Variants in KIAA0319 observed in about 807,000 individuals in gnomAD.
KIAA0319 encodes the protein KIAA0319.
Under a neutral mutation model 108.4 loss-of-function variants are expected in KIAA0319, and 83 were observed. The observed-to-expected ratio is 0.77, with a 90% CI of 0.64 to 0.92. The LOEUF (loss-of-function observed/expected upper bound fraction) is 0.92. Among genes scored for constraint, KIAA0319 ranks in the 40% least tolerant of loss-of-function variants. KIAA0319 has a pLI of 0.00. For synonymous variants in KIAA0319, 484 were observed against 510.4 expected (o/e 0.95, Z 0.70); for missense variants, 1,195 against 1,322.4 (o/e 0.90, Z 1.49).
chr6:24,619,006 G>A (rs1438644769), intron 1 of KIAA0319, among the ~76,000 whole-genome samples: 1 of 152,168 alleles, frequency 6.6e-6, no homozygotes, highest in South Asian at 2.1e-4. Flanking sequence ...ACAGCTGAGA[G>A]GAAAGAGTTC....
intron 17 of KIAA0319, among the ~76,000 whole-genome samples, chr6:24,557,413 G>C (rs369732811): frequency 1.3e-5 from 2 of 152,246 alleles, no homozygotes. Flanking sequence ...TGAGGCACGA[G>C]AATCACTTGA....
At chr6:24,601,436 T>C (rs1465953226) in intron 1 of KIAA0319, 1 of 500,240 alleles carries the variant, frequency 2.0e-6, no homozygotes, top group East Asian at 1.5e-4. Flanking sequence ...GCTGTGGAAA[T>C]AAACGAGGAC....
chr6:24,582,228 A>T (rs375825128), intron 6 of KIAA0319, 21 bp downstream of exon 6: 4 of 1,360,554 alleles, frequency 2.9e-6, no homozygotes, highest in Middle Eastern at 1.8e-4. Flanking sequence ...TGTTAGACAC[A>T]ACCAGTCTCC....
downstream of KIAA0319, among the ~76,000 whole-genome samples, chr6:24,542,678 G>A (rs757641516): frequency 1.6e-4 from 25 of 152,326 alleles, no homozygotes; most frequent in Admixed American, 3.3e-4. Context: ...TGGTGCCACT[G>A]CACTCCAGCC....
intron 5 of KIAA0319, among the ~76,000 whole-genome samples, chr6:24,582,898 A>C (rs1766835471): frequency 6.6e-6 from 1 of 152,180 alleles, no homozygotes; most frequent in South Asian, 2.1e-4. Flanking sequence ...TGCAGATATT[A>C]GTAGTTAAAA....
At chr6:24,542,867 G>A (rs927084745), downstream of KIAA0319, among the ~76,000 whole-genome samples, 6 of 152,158 alleles carry the variant, frequency 3.9e-5, no homozygotes, top group African/African-American at 1.2e-4. Flanking sequence ...AACCAATCAG[G>A]ACTCAGATGT....
chr6:24,551,650 T>C (rs977986787), intron 19 of KIAA0319, 125 bp from the exon 20 acceptor site: 76 of 663,802 alleles, frequency 1.1e-4, no homozygotes, highest in Admixed American at 2.4e-4. Context: ...TGGCGTCTTT[T>C]ATTAAAGAAA....
At chr6:24,613,142 C>A (rs949450857) in intron 1 of KIAA0319, among the ~76,000 whole-genome samples, 1 of 152,002 alleles carries the variant, frequency 6.6e-6, no homozygotes, top group African/African-American at 2.4e-5. Context: ...TTTAACATTC[C>A]TGCCTTTACT....
At chr6:24,583,081 C>T (rs188007511) in intron 5 of KIAA0319, 603 of 985,324 alleles carry the variant, frequency 6.1e-4, no homozygotes, top group Non-Finnish European at 7.0e-4. Flanking sequence ...ATGCATTTGA[C>T]AGGCCACAGG....
At chr6:24,610,968 C>A (rs1010686762) in intron 1 of KIAA0319, among the ~76,000 whole-genome samples, 11 of 151,880 alleles carry the variant, frequency 7.2e-5, no homozygotes, top group Non-Finnish European at 1.3e-4. Flanking sequence ...TACTAACAAA[C>A]AAACAAACAA....
intron 1 of KIAA0319, among the ~76,000 whole-genome samples, chr6:24,635,031 C>A (rs571847010): frequency 6.6e-6 from 1 of 152,196 alleles, no homozygotes; most frequent in East Asian, 1.9e-4. Flanking sequence ...AGAGCAGCTA[C>A]CTGTGGAGCT....
chr6:24,580,579 T>A (rs1766341187), intron 7 of KIAA0319, among the ~76,000 whole-genome samples: 1 of 152,156 alleles, frequency 6.6e-6, no homozygotes, highest in African/African-American at 2.4e-5. Flanking sequence ...GGTTGCTCAG[T>A]TGAATGTATT....
At chr6:24,562,415 C>T (rs2127441388) in intron 16 of KIAA0319, among the ~76,000 whole-genome samples, 1 of 152,282 alleles carries the variant, frequency 6.6e-6, no homozygotes, top group South Asian at 2.1e-4. Context: ...AACTTCAGTT[C>T]TCTGGAAAAC....
In KIAA0319 at chr6:24,576,353, G is replaced by T. The variant is rs201562669; in HGVS notation, c.1734+15C>A. 1.0e-3 allele frequency: 1,600 copies of T among 1,602,910 alleles called. 3 individuals are homozygous for T. Among genetic ancestry groups the T allele is most frequent in the Admixed American group, 2.3e-3 (138 of 60,012 alleles). On this transcript the variant is annotated intron_variant, in intron 10 of 20. Coordinates refer to ENST00000378214, the MANE Select transcript of KIAA0319 (RefSeq NM_014809.4). ...ACAGACAGACAAAAGTCTGAAGGCA[G>T]GATGGAGAACTTGCCTGCATGACCA...
rs1364189285 is a variant in KIAA0319 at position 24,589,727 on chromosome 6, G to A, written c.802-942C>T. Among the ~76,000 whole-genome samples the A allele has an allele frequency of 3.3e-5, 5 of 152,194 alleles. No homozygotes were observed. In the East Asian group the frequency reaches 9.6e-4, roughly 29 times the overall value. On this transcript the variant is annotated intron_variant, in intron 3 of 20. Coordinates refer to ENST00000378214, the MANE Select transcript of KIAA0319 (RefSeq NM_014809.4). Reference sequence around the variant, plus strand: ...TAGGTATGTCTTTATAGCAATGTAAGAATGGACTACTACAATGGTATTTTG... The same window carrying A: ...TAGGTATGTCTTTATAGCAATGTAAAAATGGACTACTACAATGGTATTTTG...
intron 9 of KIAA0319, among the ~76,000 whole-genome samples, chr6:24,577,479 TTCCTAATGTGG>T (rs1765715009): frequency 6.6e-6 from 1 of 152,238 alleles, no homozygotes; most frequent in Non-Finnish European, 1.5e-5. Flanking sequence ...ACTAAACTGA[TTCCTAATGTGG>T]TCCTGAGGAC....
downstream of KIAA0319, among the ~76,000 whole-genome samples, chr6:24,540,504 A>G (rs1395871969): frequency 6.6e-6 from 1 of 152,078 alleles, no homozygotes; most frequent in Non-Finnish European, 1.5e-5. Flanking sequence ...CAGTCCTGCA[A>G]CTCTGGGTTC....
chr6:24,557,203 C>CA (rs11449073), intron 17 of KIAA0319, among the ~76,000 whole-genome samples: 44,248 of 150,400 alleles, frequency 0.29, 7,754 homozygotes, highest in African/African-American at 0.5. Context: ...GACTTTGTCT[C>CA]AAAAAAAAAG....
intron 1 of KIAA0319, among the ~76,000 whole-genome samples, chr6:24,617,756 G>A (rs1416662183): frequency 1.3e-5 from 2 of 152,194 alleles, no homozygotes; most frequent in African/African-American, 4.8e-5. Context: ...GGAGGCTGAT[G>A]CGGGTGGATC....
Sources: gnomAD v4.1 joint callset for allele counts (sites outside exome capture counted in the v4.1 genomes callset) on GRCh38, gnomAD v4.1.1 for gene constraint, MANE v1.5 for transcripts, NCBI Gene and HGNC (gene_info 2026-07-23, HGNC 2026-07-21) for gene names.